Variants in SNTB1 observed in about 807,000 individuals in gnomAD.
SNTB1 encodes beta-1-syntrophin.
In SNTB1, 36 loss-of-function variants were observed where a neutral mutation model predicts 48.9. The observed-to-expected ratio is 0.74, with a 90% CI of 0.56 to 0.97. The LOEUF is 0.97. SNTB1 is among the 50% of genes least tolerant of loss of function. The pLI is 0.00. For synonymous variants in SNTB1, 299 were observed against 294.6 expected, an observed-to-expected ratio of 1.01 and a Z score of -0.15; for missense variants, 786 against 703.4, an observed-to-expected ratio of 1.12 and a Z score of -1.33.
chr8:120,567,886 A>G (rs1277632004), intron 4 of SNTB1, among the ~76,000 whole-genome samples: 2 of 152,182 alleles, frequency 1.3e-5, no homozygotes, highest in East Asian at 1.9e-4. Context: ...TCAATACAAG[A>G]TTTTTAAAAT....
At chr8:120,643,084 TC>T (rs1473544730) in intron 2 of SNTB1, among the ~76,000 whole-genome samples, 1 of 152,170 alleles carries the variant, frequency 6.6e-6, no homozygotes, top group Non-Finnish European at 1.5e-5. Flanking sequence ...AGGATCCACT[TC>T]TAAGATGGCT....
intron 2 of SNTB1, among the ~76,000 whole-genome samples, chr8:120,678,872 C>T (rs190900250): frequency 8.5e-5 from 13 of 152,246 alleles, no homozygotes; most frequent in African/African-American, 2.9e-4. Context: ...CACTCAGGCT[C>T]CTCCCTCACC....
Position 120,735,789 on chromosome 8 carries a change from C to G in SNTB1, c.572-41881G>C, listed in dbSNP as rs1321884712. Among the ~76,000 whole-genome samples the G allele has an allele frequency of 2.6e-5, 4 of 152,276 alleles. No individual in the cohort carries two copies. In the East Asian group the frequency reaches 7.7e-4, roughly 29 times the overall value. ...CTTGGCAAACTAATACACCAGGGAACAAATGAGCCATCTTTGGATTCTCCT... is the reference window on the plus strand; with the variant it reads ...CTTGGCAAACTAATACACCAGGGAAGAAATGAGCCATCTTTGGATTCTCCT... On this transcript the variant is annotated intron_variant, in intron 1 of 6. Transcript: ENST00000517992.
At chr8:120,632,693 G>T in intron 2 of SNTB1, 42 bp from the exon 3 acceptor site, 2 of 1,562,470 alleles carry the variant, frequency 1.3e-6, no homozygotes, top group Non-Finnish European at 1.8e-6. Flanking sequence ...TTTCCTGGCA[G>T]GTCCTGCTTC....
intron 1 of SNTB1, among the ~76,000 whole-genome samples, chr8:120,800,077 A>T (rs927246165): frequency 2.0e-5 from 3 of 152,054 alleles, no homozygotes; most frequent in African/African-American, 7.2e-5. Flanking sequence ...TGTCCAAAAG[A>T]TGTTACTACA....
intron 2 of SNTB1, among the ~76,000 whole-genome samples, chr8:120,665,995 C>T (rs1342542594): frequency 3.3e-5 from 5 of 151,982 alleles, no homozygotes; most frequent in South Asian, 2.1e-4. Flanking sequence ...AATGAAGTGG[C>T]GTTTGTCCTC....
intron 1 of SNTB1, among the ~76,000 whole-genome samples, chr8:120,786,496 G>A (rs1819925747): frequency 6.6e-6 from 1 of 152,170 alleles, no homozygotes; most frequent in African/African-American, 2.4e-5. Flanking sequence ...TACCACAGGA[G>A]TTCAGCATGG....
intron 1 of SNTB1, among the ~76,000 whole-genome samples, chr8:120,708,602 A>G (rs1263065676): frequency 2.0e-5 from 3 of 152,202 alleles, no homozygotes; most frequent in Non-Finnish European, 4.4e-5. Flanking sequence ...TATAGAAGAC[A>G]GTAGTACAGC....
chr8:120,621,132 G>GTATTTTC (rs1816788378), intron 3 of SNTB1, among the ~76,000 whole-genome samples: 1 of 151,760 alleles, frequency 6.6e-6, no homozygotes, highest in African/African-American at 2.4e-5. Context: ...GCTAATTTTT[G>GTATTTTC]TATTTTCAGT....
At chr8:120,716,730 T>C (rs540121865) in intron 1 of SNTB1, among the ~76,000 whole-genome samples, 1 of 152,204 alleles carries the variant, frequency 6.6e-6, no homozygotes, top group South Asian at 2.1e-4. Flanking sequence ...CACACTGGTA[T>C]TCAGTTTAGA....
intron 1 of SNTB1, among the ~76,000 whole-genome samples, chr8:120,712,290 C>T (rs1818476390): frequency 6.6e-6 from 1 of 151,690 alleles, no homozygotes; most frequent in African/African-American, 2.4e-5. Flanking sequence ...TGGCGGGTGC[C>T]TGTAGTCCCG....
intron 2 of SNTB1, among the ~76,000 whole-genome samples, chr8:120,683,118 T>A (rs970601405): frequency 6.6e-6 from 1 of 152,118 alleles, no homozygotes; most frequent in African/African-American, 2.4e-5. Context: ...CCTGACCTCG[T>A]GATCCACCCA....
intron 2 of SNTB1, among the ~76,000 whole-genome samples, chr8:120,666,364 C>T (rs1233131742): frequency 6.6e-6 from 1 of 152,144 alleles, no homozygotes; most frequent in Non-Finnish European, 1.5e-5. Context: ...TACAACTTGG[C>T]AGTTATTTTT....
intron 1 of SNTB1, among the ~76,000 whole-genome samples, chr8:120,810,444 A>G (rs1288969986): frequency 6.6e-6 from 1 of 152,170 alleles, no homozygotes; most frequent in Non-Finnish European, 1.5e-5. Context: ...ATCTCAAGAG[A>G]GAGAGTAGTT....
intron 3 of SNTB1, among the ~76,000 whole-genome samples, chr8:120,628,811 T>C (rs995835350): frequency 6.6e-6 from 1 of 152,038 alleles, no homozygotes; most frequent in Non-Finnish European, 1.5e-5. Context: ...AGGCTTTACA[T>C]TGATGTGCAT....
chr8:120,755,143 T>G (rs4871126), intron 1 of SNTB1, among the ~76,000 whole-genome samples: 712 of 62,290 alleles, frequency 0.011, 5 homozygotes, highest in African/African-American at 0.036. Context: ...GCTGTGGTGT[T>G]GTGTGTGTGT....
At chr8:120,766,021 C>A (rs182911025) in intron 1 of SNTB1, among the ~76,000 whole-genome samples, 1 of 152,148 alleles carries the variant, frequency 6.6e-6, no homozygotes, top group South Asian at 2.1e-4. Flanking sequence ...AAACAGTTTA[C>A]GGCACTCTTC....
chr8:120,663,262 G>A lies in SNTB1; in HGVS notation c.788+30430C>T, dbSNP rs185971800. Reference sequence around the variant, plus strand: ...TGACTAGAACAGTGATGACCCTAAAGCTTACTTTTGAATGAAGAGGAAAAG... The same window carrying A: ...TGACTAGAACAGTGATGACCCTAAAACTTACTTTTGAATGAAGAGGAAAAG... On this transcript the variant is annotated intron_variant, in intron 2 of 6. Transcript: ENST00000517992. Among the ~76,000 whole-genome samples the A allele has an allele frequency of 1.8e-3, 268 of 152,256 alleles. 2 individuals carry two copies. The highest frequency in any genetic ancestry group is 5.9e-3 in the African/African-American group (247 of 41,550).
chr8:120,778,957 T>C (rs1485472765), intron 1 of SNTB1, among the ~76,000 whole-genome samples: 3 of 152,220 alleles, frequency 2.0e-5, no homozygotes, highest in African/African-American at 7.2e-5. Flanking sequence ...GAGTCATTTA[T>C]TCATTTATCC....
Sources: gnomAD v4.1 joint callset for allele counts (sites outside exome capture counted in the v4.1 genomes callset) on GRCh38, gnomAD v4.1.1 for gene constraint, MANE v1.5 for transcripts, NCBI Gene and HGNC (gene_info 2026-07-23, HGNC 2026-07-21) for gene names.